The following SLC14A2 variants were observed in gnomAD, a reference collection of about 807,000 sequenced individuals.
The protein encoded by SLC14A2 is solute carrier family 14 member 2, also known as urea transporter 2.
In SLC14A2, 91 loss-of-function variants were observed where a neutral mutation model predicts 104.6. That is an observed-to-expected ratio of 0.87 (90% CI 0.73 to 1.04). The LOEUF is 1.04. Among genes scored for constraint, SLC14A2 ranks in the 50% least tolerant of loss-of-function variants. The probability of loss-of-function intolerance (pLI) is 0.00; values close to 1 mark genes in which losing one functional copy is unlikely to be tolerated. For synonymous variants in SLC14A2, 476 were observed against 466.4 expected (o/e 1.02, Z -0.27); for missense variants, 1,189 against 1,156.0 (o/e 1.03, Z -0.41).
chr18:45,525,312 G>A (rs971969997), intron 2 of SLC14A2, among the ~76,000 whole-genome samples: 10 of 152,272 alleles, frequency 6.6e-5, no homozygotes, highest in Non-Finnish European at 1.5e-4. Context: ...GACTTCATGG[G>A]CCCATCCTTG....
chr18:45,406,685 G>A (rs572797421), intron 1 of SLC14A2, among the ~76,000 whole-genome samples: 1 of 152,248 alleles, frequency 6.6e-6, no homozygotes, highest in South Asian at 2.1e-4. Flanking sequence ...ATAACTCCTT[G>A]ATCCATAATA....
chr18:45,465,143 CAG>C (rs2087117099), intron 1 of SLC14A2, among the ~76,000 whole-genome samples: 1 of 152,226 alleles, frequency 6.6e-6, no homozygotes, highest in Admixed American at 6.5e-5. Context: ...CAGAGTGAGA[CAG>C]AGGAGGGTCA....
At chr18:45,448,379 G>A (rs2086804680) in intron 1 of SLC14A2, among the ~76,000 whole-genome samples, 1 of 152,112 alleles carries the variant, frequency 6.6e-6, no homozygotes, top group South Asian at 2.1e-4. Context: ...AATGAAAGAA[G>A]GTTAATTAAT....
intron 1 of SLC14A2, among the ~76,000 whole-genome samples, chr18:45,481,019 A>C (rs1161667532): frequency 6.6e-6 from 1 of 152,106 alleles, no homozygotes; most frequent in East Asian, 1.9e-4. Context: ...GGGGCAGATG[A>C]TTGATAAAGT....
chr18:45,644,425 T>C (rs2045585056), intron 10 of SLC14A2: 1 of 366,094 alleles, frequency 2.7e-6, no homozygotes, highest in African/African-American at 2.0e-5. Flanking sequence ...GTGTGTGTCT[T>C]AAATGTTGTT....
At chr18:45,173,361 T>C in the SLC14A2 span, among the ~76,000 whole-genome samples, 1 of 152,048 alleles carries the variant, frequency 6.6e-6, no homozygotes, top group Admixed American at 6.6e-5. Context: ...TAGTACTGGC[T>C]CAAGTATGGA....
At chr18:45,517,795 T>G (rs116710533) in intron 2 of SLC14A2, among the ~76,000 whole-genome samples, 3,851 of 152,286 alleles carry the variant, frequency 0.025, 175 homozygotes, top group African/African-American at 0.088. Context: ...CTGAAAACTT[T>G]AATCTCTCTT....
At chr18:45,668,905 C>T (rs2046079539) in intron 15 of SLC14A2, among the ~76,000 whole-genome samples, 1 of 152,228 alleles carries the variant, frequency 6.6e-6, no homozygotes, top group Admixed American at 6.5e-5. Context: ...ATGGGGAAGC[C>T]CTCAGTGCCT....
intron 1 of SLC14A2, among the ~76,000 whole-genome samples, chr18:45,280,928 C>G (rs2084756106): frequency 6.6e-6 from 1 of 152,086 alleles, no homozygotes; most frequent in Non-Finnish European, 1.5e-5. Context: ...CTCTCTCCTC[C>G]CTCCACTTCG....
At chr18:45,315,815 G>A (rs958365002) in intron 1 of SLC14A2, among the ~76,000 whole-genome samples, 1 of 152,196 alleles carries the variant, frequency 6.6e-6, no homozygotes, top group African/African-American at 2.4e-5. Context: ...TCCCTAGAAG[G>A]AAATATGTGG....
chr18:45,608,328 C>T lies in SLC14A2; in HGVS notation c.-34-16303C>T, dbSNP rs139372589. Among the ~76,000 whole-genome samples, 481 of 152,348 alleles carry T rather than the reference C, an allele frequency of 3.2e-3. 4 individuals carry two copies. The highest frequency in any genetic ancestry group is 5.1e-3 in the Non-Finnish European group (347 of 68,038). On this transcript the variant is annotated intron_variant, in intron 2 of 20. Coordinates refer to the SLC14A2 transcript ENST00000586448. ...GGGAGGAGAGAGGTGAAAACTGACA[C>T]TTGTTGATACCCACTATATACAGTA...
At chr18:45,551,003 G>T (rs931542106) in intron 2 of SLC14A2, among the ~76,000 whole-genome samples, 1 of 152,198 alleles carries the variant, frequency 6.6e-6, no homozygotes, top group Non-Finnish European at 1.5e-5. Context: ...GGTGACATGA[G>T]CTGGGCTGTG....
At chr18:45,567,054 TA>T in intron 2 of SLC14A2, among the ~76,000 whole-genome samples, 1 of 95,304 alleles carries the variant, frequency 1.0e-5, no homozygotes, top group African/African-American at 4.5e-5. Context: ...CATGTGCACA[TA>T]GTGTGTGTGT....
At chr18:45,203,053 A>G in the SLC14A2 span, among the ~76,000 whole-genome samples, 210 of 152,330 alleles carry the variant, frequency 1.4e-3, 1 homozygote, top group African/African-American at 4.9e-3. Flanking sequence ...AAATTCTCCA[A>G]TGGCAAAATA....
intron 1 of SLC14A2, among the ~76,000 whole-genome samples, chr18:45,306,936 A>G (rs1267633252): frequency 1.3e-5 from 2 of 152,144 alleles, no homozygotes; most frequent in African/African-American, 4.8e-5. Flanking sequence ...CACCATCAGA[A>G]GACAAACTGG....
intron 1 of SLC14A2, among the ~76,000 whole-genome samples, chr18:45,276,668 A>G (rs1199661732): frequency 6.6e-6 from 1 of 152,254 alleles, no homozygotes; most frequent in Non-Finnish European, 1.5e-5. Context: ...ATTTGGAACA[A>G]GCTTAAAGTA....
intron 1 of SLC14A2, among the ~76,000 whole-genome samples, chr18:45,416,089 G>A (rs923429892): frequency 3.3e-5 from 5 of 152,016 alleles, no homozygotes; most frequent in South Asian, 2.1e-4. Context: ...TCTTTTTGGC[G>A]TTGAAGAGAG....
intron 2 of SLC14A2, among the ~76,000 whole-genome samples, chr18:45,564,395 GC>G (rs1268065624): frequency 1.3e-5 from 2 of 152,164 alleles, no homozygotes; most frequent in African/African-American, 4.8e-5. Flanking sequence ...CTGTACAACT[GC>G]ATCCCTTTCA....
At chr18:45,605,340 C>T (rs1480145802) in intron 2 of SLC14A2, among the ~76,000 whole-genome samples, 3 of 152,198 alleles carry the variant, frequency 2.0e-5, no homozygotes, top group Admixed American at 6.5e-5. Flanking sequence ...AAACTCCCCA[C>T]TTTGGGGACC....
Sources: gnomAD v4.1 joint callset for allele counts (sites outside exome capture counted in the v4.1 genomes callset) on GRCh38, gnomAD v4.1.1 for gene constraint, MANE v1.5 for transcripts, NCBI Gene and HGNC (gene_info 2026-07-23, HGNC 2026-07-21) for gene names.